The following FNBP1L variants were observed in gnomAD, a reference collection of about 807,000 sequenced individuals.
FNBP1L encodes formin binding protein 1 like.
Under a neutral mutation model 91.2 loss-of-function variants are expected in FNBP1L, and 36 were observed. The observed-to-expected ratio is 0.39, with a 90% CI of 0.30 to 0.52. The LOEUF is 0.52. Among genes scored for constraint, FNBP1L ranks in the 20% least tolerant of loss-of-function variants. FNBP1L has a pLI of 0.66. For synonymous variants in FNBP1L, 242 were observed against 237.0 expected (o/e 1.02, Z -0.19); for missense variants, 571 against 732.1 (o/e 0.78, Z 2.54).
At chr1:93,531,713 T>G (rs1671683051) in intron 7 of FNBP1L, among the ~76,000 whole-genome samples, 1 of 152,218 alleles carries the variant, frequency 6.6e-6, no homozygotes, top group African/African-American at 2.4e-5. Flanking sequence ...GCTTAGTAGT[T>G]AAGTCTTCAT....
intron 9 of FNBP1L, among the ~76,000 whole-genome samples, chr1:93,535,851 T>C (rs530606754): frequency 6.6e-6 from 1 of 151,858 alleles, no homozygotes; most frequent in East Asian, 1.9e-4. Context: ...AAGGATGAAA[T>C]AGAAACAGCC....
At chr1:93,550,259 G>A (rs1481329835) in intron 15 of FNBP1L, among the ~76,000 whole-genome samples, 1 of 152,162 alleles carries the variant, frequency 6.6e-6, no homozygotes, top group Non-Finnish European at 1.5e-5. Flanking sequence ...TGCGGTGAGA[G>A]GATTGCTTGA....
chr1:93,552,361 C>A, intron 16 of FNBP1L, 48 bp from the exon 17 acceptor site: 3 of 1,599,272 alleles, frequency 1.9e-6, no homozygotes, highest in Non-Finnish European at 1.7e-6. Context: ...TTTGGTTTTA[C>A]CAAAGGTCTT....
At chr1:93,481,618 C>A (rs1439830551) in intron 1 of FNBP1L, among the ~76,000 whole-genome samples, 1 of 152,142 alleles carries the variant, frequency 6.6e-6, no homozygotes, top group East Asian at 1.9e-4. Context: ...AACTGAGGTT[C>A]AAAATAAATT....
chr1:93,539,650 A>G (rs913945598), intron 10 of FNBP1L, among the ~76,000 whole-genome samples: 4 of 152,230 alleles, frequency 2.6e-5, no homozygotes, highest in African/African-American at 9.6e-5. Flanking sequence ...CATATACTTC[A>G]AATATTTTGT....
Position 93,541,031 on chromosome 1 carries a change from G to C in FNBP1L, c.1150-11G>C. The C allele has an allele frequency of 6.5e-7, 1 of 1,535,984 alleles. No individual in the cohort carries two copies. Among genetic ancestry groups the C allele is most frequent in the Non-Finnish European group, 8.7e-7 (1 of 1,146,128 alleles). On this transcript the variant is annotated splice_polypyrimidine_tract_variant and intron_variant, in intron 10 of 16. Transcript: ENST00000271234. ...TTACCATTTCTTTCTGTTTTCCATT[G>C]AACTATTCAGTGGTCGGTGAAGATG...
chr1:93,461,167 A>G (rs1254640296), intron 1 of FNBP1L, among the ~76,000 whole-genome samples: 1 of 151,960 alleles, frequency 6.6e-6, no homozygotes. Flanking sequence ...TAGAGTTTGG[A>G]TTGTTTGAAG....
chr1:93,527,676 A>G (rs946972214), intron 5 of FNBP1L, among the ~76,000 whole-genome samples: 2 of 152,124 alleles, frequency 1.3e-5, no homozygotes, highest in East Asian at 1.9e-4. Flanking sequence ...GGAAAATATC[A>G]TAATCCGTAA....
intron 1 of FNBP1L, 66 bp from the exon 2 acceptor site, chr1:93,499,402 C>A: frequency 1.0e-6 from 1 of 983,022 alleles, no homozygotes; most frequent in Non-Finnish European, 1.6e-6. Flanking sequence ...ATACCAGAAG[C>A]TGTTAAAAAT....
chr1:93,517,099 G>A (rs978124514), intron 2 of FNBP1L, among the ~76,000 whole-genome samples: 12 of 150,378 alleles, frequency 8.0e-5, no homozygotes, highest in Admixed American at 4.6e-4. Context: ...GAGTGCAGTG[G>A]CACAATCTCA....
intron 1 of FNBP1L, among the ~76,000 whole-genome samples, chr1:93,470,821 A>G (rs551539676): frequency 6.6e-6 from 1 of 150,504 alleles, no homozygotes; most frequent in East Asian, 2.0e-4. Context: ...TGCAGTGAGC[A>G]GAGATCGTGC....
chr1:93,478,917 G>T (rs1669589885), intron 1 of FNBP1L, among the ~76,000 whole-genome samples: 1 of 152,184 alleles, frequency 6.6e-6, no homozygotes, highest in Non-Finnish European at 1.5e-5. Flanking sequence ...TGACAAGGAA[G>T]ATACTTAATG....
Position 93,524,329 on chromosome 1 carries a change from T to C in FNBP1L, c.405+6T>C. The C allele has an allele frequency of 6.7e-7, 1 of 1,484,468 alleles. No individual in the cohort carries two copies. 92.0% of individuals were successfully genotyped at this position (1,484,468 alleles called of 1,614,324 possible). A position where few individuals can be genotyped will look rare whatever the true frequency, so the allele number is the denominator to read the frequency against. ...GCTGGAAACAGATGGATAATGTGAG[T>C]TATGACATTTTCATGGTTAACATAA... On this transcript the variant is annotated splice_donor_region_variant and intron_variant, in intron 5 of 16. Coordinates refer to ENST00000271234, the MANE Select transcript of FNBP1L (RefSeq NM_001164473.3).
chr1:93,455,488 T>C (rs1354011227), intron 1 of FNBP1L, among the ~76,000 whole-genome samples: 1 of 152,224 alleles, frequency 6.6e-6, no homozygotes, highest in African/African-American at 2.4e-5. Flanking sequence ...TGTGCCTGGC[T>C]CTATGCCACA....
intron 2 of FNBP1L, 128 bp downstream of exon 2, chr1:93,499,711 C>A (rs528601858): frequency 4.9e-6 from 3 of 608,562 alleles, no homozygotes; most frequent in Admixed American, 6.7e-5. Flanking sequence ...ATTAGGTAAC[C>A]GGTTTGTTTT....
At chr1:93,465,062 C>T (rs1413562241) in intron 1 of FNBP1L, among the ~76,000 whole-genome samples, 1 of 152,004 alleles carries the variant, frequency 6.6e-6, no homozygotes, top group East Asian at 1.9e-4. Flanking sequence ...TTCTGTTCCT[C>T]TCAAACTAAG....
intron 1 of FNBP1L, among the ~76,000 whole-genome samples, chr1:93,475,462 C>T (rs1669460709): frequency 6.6e-6 from 1 of 152,062 alleles, no homozygotes; most frequent in Middle Eastern, 3.2e-3. Context: ...TCACTTGAGC[C>T]TGGGAGGTCG....
chr1:93,461,448 T>A (rs1668860328), intron 1 of FNBP1L, among the ~76,000 whole-genome samples: 1 of 152,172 alleles, frequency 6.6e-6, no homozygotes, highest in South Asian at 2.1e-4. Context: ...GTTCACGAGA[T>A]CAACACTCTC....
At chr1:93,512,645 A>G (rs1670900590) in intron 2 of FNBP1L, among the ~76,000 whole-genome samples, 1 of 149,464 alleles carries the variant, frequency 6.7e-6, no homozygotes, top group East Asian at 2.0e-4. Context: ...ACTACATGGA[A>G]ACTGAACAAC....
Sources: gnomAD v4.1 joint callset for allele counts (sites outside exome capture counted in the v4.1 genomes callset) on GRCh38, gnomAD v4.1.1 for gene constraint, MANE v1.5 for transcripts, NCBI Gene and HGNC (gene_info 2026-07-23, HGNC 2026-07-21) for gene names.